FBXO34: variants seen among roughly 807,000 people sequenced by gnomAD.
FBXO34 encodes F-box protein 34.
Under a neutral mutation model 24.5 loss-of-function variants are expected in FBXO34, and 12 were observed. The ratio of observed to expected loss-of-function variants is 0.49; its 90% confidence interval spans 0.31 to 0.79. FBXO34 has a LOEUF of 0.79. Ranked by LOEUF, FBXO34 falls within the 30% of genes least tolerant of loss-of-function variation. FBXO34 has a pLI of 0.04. For missense variants in FBXO34, 823 were observed against 857.7 expected (o/e 0.96, Z 0.51); for synonymous variants, 320 against 311.9 (o/e 1.03, Z -0.27).
downstream of FBXO34, among the ~76,000 whole-genome samples, chr14:55,371,128 C>T (rs111739707): frequency 2.0e-5 from 3 of 152,308 alleles, no homozygotes; most frequent in Admixed American, 6.5e-5. Context: ...AAGATAAGCA[C>T]ACGATGCCTT....
Position 55,338,949 on chromosome 14 carries a change from C to T in FBXO34, c.-10-11432C>T, listed in dbSNP as rs186330313. ...AAAAAAAAAAGCCAAAAAAAACCCC[C>T]CAAAAAAACCAGTTCTCTAAGATAC... On this transcript the variant is annotated intron_variant, in intron 1 of 1. Coordinates refer to ENST00000313833, the MANE Select transcript of FBXO34 (RefSeq NM_017943.4). Among the ~76,000 whole-genome samples, 70 of 151,764 alleles carry T rather than the reference C, an allele frequency of 4.6e-4. No individual in the cohort carries two copies. In the East Asian group the frequency reaches 0.012, roughly 27 times the overall value.
chr14:55,331,873 A>AT (rs1883592308), intron 1 of FBXO34, among the ~76,000 whole-genome samples: 1 of 66,742 alleles, frequency 1.5e-5, no homozygotes, highest in African/African-American at 7.9e-5. Flanking sequence ...TATATATAAA[A>AT]ATATATATAT....
At chr14:55,356,731 T>G (rs1884528504), downstream of FBXO34, among the ~76,000 whole-genome samples, 1 of 152,100 alleles carries the variant, frequency 6.6e-6, no homozygotes, top group South Asian at 2.1e-4. Context: ...GTGCTGGGAT[T>G]ACAGGCGTGA....
chr14:55,412,362 A>G, the FBXO34 span, among the ~76,000 whole-genome samples: 2 of 152,216 alleles, frequency 1.3e-5, no homozygotes, highest in African/African-American at 4.8e-5. Flanking sequence ...TACCCATCTA[A>G]TGCCGTGAGG....
the FBXO34 span, among the ~76,000 whole-genome samples, chr14:55,377,077 T>A: frequency 6.6e-6 from 1 of 152,192 alleles, no homozygotes; most frequent in South Asian, 2.1e-4. Context: ...CCAGGCACGG[T>A]GGCTCAAGCC....
At chr14:55,371,130 C>T (rs1045485946), downstream of FBXO34, among the ~76,000 whole-genome samples, 6 of 152,162 alleles carry the variant, frequency 3.9e-5, no homozygotes, top group African/African-American at 1.4e-4. Flanking sequence ...GATAAGCACA[C>T]GATGCCTTGG....
the FBXO34 span, among the ~76,000 whole-genome samples, chr14:55,389,481 G>T: frequency 1.3e-5 from 2 of 152,162 alleles, no homozygotes; most frequent in African/African-American, 4.8e-5. Context: ...CACTTTATTA[G>T]GACAAATGTT....
the FBXO34 span, chr14:55,414,232 G>T: frequency 3.2e-6 from 2 of 615,904 alleles, no homozygotes; most frequent in South Asian, 2.2e-5. Flanking sequence ...ATTTTTCTTC[G>T]TTTCTTAGGT....
the FBXO34 span, chr14:55,396,012 C>A: frequency 7.2e-6 from 11 of 1,531,672 alleles, no homozygotes; most frequent in Admixed American, 2.1e-5. Context: ...AAAATAAGCT[C>A]TTAAAAATAA....
the FBXO34 span, among the ~76,000 whole-genome samples, chr14:55,378,567 C>A: frequency 2.0e-5 from 3 of 152,188 alleles, no homozygotes. Flanking sequence ...TACCCACAGC[C>A]TCTTTCCTTA....
chr14:55,414,063 G>T, the FBXO34 span: 2 of 556,744 alleles, frequency 3.6e-6, no homozygotes, highest in South Asian at 1.4e-5. Flanking sequence ...TCGTCATTTT[G>T]GCAAATTACT....
In FBXO34 at chr14:55,286,808, A is replaced by AT. The variant is rs1003185359; in HGVS notation, c.-11+15282dup. Among the ~76,000 whole-genome samples, 718 of 141,052 alleles carry AT rather than the reference A, an allele frequency of 5.1e-3. 6 individuals carry two copies. The highest frequency in any genetic ancestry group is 0.017 in the African/African-American group (659 of 38,226). The allele number at this position is 141,052 out of a possible 152,430, so 92.5% of individuals were successfully genotyped here. A position where few individuals can be genotyped will look rare whatever the true frequency, so the allele number is the denominator to read the frequency against. ...GGACCAGAAGTGGTTTGGATTTTGG[A>AT]TTTTTTTTTTTGAATTTGTAATATT... On this transcript the variant is annotated intron_variant, in intron 1 of 1. Coordinates refer to ENST00000313833, the MANE Select transcript of FBXO34 (RefSeq NM_017943.4).
intron 1 of FBXO34, among the ~76,000 whole-genome samples, chr14:55,336,103 AC>A (rs140708628): frequency 0.058 from 8,836 of 152,300 alleles, 327 homozygotes; most frequent in South Asian, 0.089. Flanking sequence ...TACTAATTAA[AC>A]TGCTCATTTA....
chr14:55,316,093 C>T (rs1024852349), intron 1 of FBXO34, among the ~76,000 whole-genome samples: 1 of 151,914 alleles, frequency 6.6e-6, no homozygotes, highest in Non-Finnish European at 1.5e-5. Context: ...CCTGTATCAC[C>T]TTTTAGTCTT....
the FBXO34 span, among the ~76,000 whole-genome samples, chr14:55,389,280 T>C: frequency 2.0e-5 from 3 of 152,228 alleles, no homozygotes; most frequent in Non-Finnish European, 4.4e-5. Flanking sequence ...GGCAAAGCCC[T>C]GAATATCATG....
intron 1 of FBXO34, among the ~76,000 whole-genome samples, chr14:55,320,126 A>G (rs907822861): frequency 1.3e-5 from 2 of 152,206 alleles, no homozygotes; most frequent in Admixed American, 6.5e-5. Context: ...CATGCTTGCC[A>G]TAATCTTTTC....
chr14:55,327,425 GC>G (rs1211676545), intron 1 of FBXO34, among the ~76,000 whole-genome samples: 3 of 152,190 alleles, frequency 2.0e-5, no homozygotes, highest in Non-Finnish European at 4.4e-5. Context: ...GAAGCAAAGT[GC>G]AGGTGAGAAA....
At chr14:55,429,863 A>G in the FBXO34 span, among the ~76,000 whole-genome samples, 2 of 150,858 alleles carry the variant, frequency 1.3e-5, no homozygotes, top group African/African-American at 2.4e-5. Flanking sequence ...ATATGTGCTG[A>G]TTGAGTGGCA....
At chr14:55,333,460 A>G (rs528394725) in intron 1 of FBXO34, among the ~76,000 whole-genome samples, 1 of 152,230 alleles carries the variant, frequency 6.6e-6, no homozygotes, top group African/African-American at 2.4e-5. Flanking sequence ...TGAACTGTGC[A>G]TACTTGACAA....
Sources: gnomAD v4.1 joint callset for allele counts (sites outside exome capture counted in the v4.1 genomes callset) on GRCh38, gnomAD v4.1.1 for gene constraint, MANE v1.5 for transcripts, NCBI Gene and HGNC (gene_info 2026-07-23, HGNC 2026-07-21) for gene names.